Variants in ADAM12 observed in about 807,000 individuals in gnomAD.
ADAM12 encodes disintegrin and metalloproteinase domain-containing protein 12.
A neutral mutation model predicts 106.4 loss-of-function variants in ADAM12; 70 were observed. That is an observed-to-expected ratio of 0.66 (90% CI 0.54 to 0.80). The LOEUF is 0.80. Among genes scored for constraint, ADAM12 ranks in the 30% least tolerant of loss-of-function variants. The pLI, the probability that ADAM12 is intolerant of heterozygous loss-of-function variation, is 0.00. For synonymous variants in ADAM12, 420 were observed against 433.5 expected (o/e 0.97, Z 0.39); for missense variants, 1,010 against 1,171.9 (o/e 0.86, Z 2.02).
At chr10:126,156,688 C>G (rs1039261883) in intron 3 of ADAM12, among the ~76,000 whole-genome samples, 1 of 152,204 alleles carries the variant, frequency 6.6e-6, no homozygotes, top group African/African-American at 2.4e-5. Flanking sequence ...TTGGGTGGAG[C>G]ATCCTGCAAG....
intron 2 of ADAM12, among the ~76,000 whole-genome samples, chr10:126,289,761 G>C (rs1395558740): frequency 6.6e-6 from 1 of 152,226 alleles, no homozygotes; most frequent in African/African-American, 2.4e-5. Context: ...AGGGGCCTCA[G>C]GCTAGAAGGC....
chr10:126,203,106 G>A (rs1263099564), intron 3 of ADAM12, among the ~76,000 whole-genome samples: 1 of 152,114 alleles, frequency 6.6e-6, no homozygotes, highest in Non-Finnish European at 1.5e-5. Context: ...AATGAATTAT[G>A]GAGACAGCGA....
rs184755320 is a variant in ADAM12 at position 126,344,338 on chromosome 10, T to G, written c.89-13829A>C. Among the ~76,000 whole-genome samples, 606 of 152,300 alleles carry G rather than the reference T, an allele frequency of 4.0e-3. 1 individual carries two copies. Among genetic ancestry groups the G allele is most frequent in the Non-Finnish European group, 7.3e-3 (495 of 68,028 alleles). On this transcript the variant is annotated intron_variant, in intron 1 of 22. Coordinates refer to ENST00000448723, the MANE Select transcript of ADAM12 (RefSeq NM_001288973.2). ...GTCAAAGATCGGATGGTTGTAGATG[T>G]GTGGTATTATTTCTGAGGGCTCTGT...
intron 12 of ADAM12, among the ~76,000 whole-genome samples, chr10:126,070,958 A>T (rs1476106191): frequency 1.3e-5 from 2 of 152,156 alleles, no homozygotes; most frequent in Admixed American, 6.5e-5. Flanking sequence ...CCCTGCCTTC[A>T]CTTATTGCTT....
At chr10:126,039,718 G>A (rs981439725) in intron 18 of ADAM12, among the ~76,000 whole-genome samples, 8 of 152,178 alleles carry the variant, frequency 5.3e-5, no homozygotes, top group African/African-American at 9.7e-5. Flanking sequence ...GCGTGACAAC[G>A]GCACAGTGGA....
intron 2 of ADAM12, among the ~76,000 whole-genome samples, chr10:126,281,353 C>A (rs985486367): frequency 6.6e-6 from 1 of 152,054 alleles, no homozygotes; most frequent in African/African-American, 2.4e-5. Flanking sequence ...GATCACATAC[C>A]TTAAATGGAA....
chr10:126,229,433 A>G (rs565372432), intron 3 of ADAM12, among the ~76,000 whole-genome samples: 2 of 149,424 alleles, frequency 1.3e-5, no homozygotes, highest in East Asian at 3.9e-4. Flanking sequence ...ATGGCTGCAT[A>G]ATTGTAAGAG....
rs115950990 is a variant in ADAM12 at position 126,141,089 on chromosome 10, T to G, written c.340-5429A>C. On this transcript the variant is annotated intron_variant, in intron 4 of 22. Coordinates refer to ENST00000448723, the MANE Select transcript of ADAM12 (RefSeq NM_001288973.2). ...TGTGGGTTCACAAACACTTGGTTTTTGGGTCTGAATATCCACACCAGAAAG... is the reference window on the plus strand; with the variant it reads ...TGTGGGTTCACAAACACTTGGTTTTGGGGTCTGAATATCCACACCAGAAAG... Among the ~76,000 whole-genome samples the G allele has an allele frequency of 9.7e-3, 1,477 of 152,348 alleles. 17 individuals are homozygous for G. Among genetic ancestry groups the G allele is most frequent in the African/African-American group, 0.03 (1,242 of 41,572 alleles).
intron 6 of ADAM12, among the ~76,000 whole-genome samples, chr10:126,113,763 G>A (rs189877811): frequency 1.4e-4 from 18 of 125,126 alleles, no homozygotes; most frequent in African/African-American, 5.3e-4. Context: ...GAAGGAGAAC[G>A]GATTCTAGGG....
At chr10:126,377,769 T>A (rs749700600) in intron 1 of ADAM12, among the ~76,000 whole-genome samples, 85 of 152,164 alleles carry the variant, frequency 5.6e-4, no homozygotes, top group Non-Finnish European at 9.0e-4. Context: ...AGCATATCTG[T>A]GTGTGCTTGC....
At chr10:126,042,110 G>A (rs767048921) in intron 18 of ADAM12, 15 of 1,611,780 alleles carry the variant, frequency 9.3e-6, no homozygotes, top group Admixed American at 1.7e-5. Flanking sequence ...CACTGGTCAC[G>A]GTCTCCATGT....
At chr10:126,020,595 G>A (rs535409445) in intron 21 of ADAM12, among the ~76,000 whole-genome samples, 16 of 152,272 alleles carry the variant, frequency 1.1e-4, no homozygotes, top group African/African-American at 3.6e-4. Context: ...GCATTGTTAT[G>A]AGGATTAAAG....
intron 6 of ADAM12, among the ~76,000 whole-genome samples, chr10:126,110,392 T>C (rs995887998): frequency 1.3e-5 from 2 of 151,378 alleles, no homozygotes; most frequent in African/African-American, 2.4e-5. Flanking sequence ...AATGTAAAAA[T>C]CTAGTTAGAA....
At chr10:126,266,188 C>T (rs1325201789) in intron 3 of ADAM12, among the ~76,000 whole-genome samples, 2 of 152,188 alleles carry the variant, frequency 1.3e-5, no homozygotes, top group South Asian at 2.1e-4. Context: ...CAGAATTGCA[C>T]TGCACCTCCT....
chr10:126,357,690 G>T (rs1036375764), intron 1 of ADAM12, among the ~76,000 whole-genome samples: 1 of 152,096 alleles, frequency 6.6e-6, no homozygotes, highest in African/African-American at 2.4e-5. Context: ...AAGAAGTGCC[G>T]AGCAAAACGG....
intron 2 of ADAM12, among the ~76,000 whole-genome samples, chr10:126,299,614 ACTGT>A (rs994303594): frequency 3.3e-4 from 50 of 151,910 alleles, no homozygotes; most frequent in African/African-American, 1.2e-3. Flanking sequence ...TACCCATGTT[ACTGT>A]CTAATATTTT....
chr10:126,107,225 A>G (rs757384513), intron 8 of ADAM12, among the ~76,000 whole-genome samples: 37 of 152,128 alleles, frequency 2.4e-4, no homozygotes, highest in Admixed American at 4.6e-4. Context: ...ACCTTTGAGG[A>G]TCCTCTCCCT....
intron 2 of ADAM12, among the ~76,000 whole-genome samples, chr10:126,321,542 C>T (rs1410138077): frequency 6.6e-6 from 1 of 152,162 alleles, no homozygotes; most frequent in Non-Finnish European, 1.5e-5. Flanking sequence ...AAGTACAATA[C>T]CTTGGCCTGC....
At chr10:126,242,845 T>C (rs1326018679) in intron 3 of ADAM12, among the ~76,000 whole-genome samples, 1 of 152,078 alleles carries the variant, frequency 6.6e-6, no homozygotes, top group Non-Finnish European at 1.5e-5. Flanking sequence ...TTGCTGGCTC[T>C]TTCCAGTGTC....
Sources: gnomAD v4.1 joint callset for allele counts (sites outside exome capture counted in the v4.1 genomes callset) on GRCh38, gnomAD v4.1.1 for gene constraint, MANE v1.5 for transcripts, NCBI Gene and HGNC (gene_info 2026-07-23, HGNC 2026-07-21) for gene names.